The following OSBPL1A variants were observed in gnomAD, a reference collection of about 807,000 sequenced individuals.
OSBPL1A encodes the protein oxysterol binding protein like 1A, also known as oxysterol-binding protein-related protein 1.
OSBPL1A carries 80 observed loss-of-function variants against 137.1 expected under a neutral mutation model. The ratio of observed to expected loss-of-function variants is 0.58; its 90% CI spans 0.49 to 0.70. The LOEUF (loss-of-function observed/expected upper bound fraction) is 0.70, where lower values mean the gene tolerates loss of function less well. Among genes scored for constraint, OSBPL1A ranks in the 30% least tolerant of loss-of-function variants. The pLI, the probability that OSBPL1A is intolerant of heterozygous loss-of-function variation, is 0.00. For missense variants in OSBPL1A, 970 were observed against 1,129.4 expected (o/e 0.86, Z 2.02); for synonymous variants, 365 against 389.7 (o/e 0.94, Z 0.75).
At chr18:24,185,529 A>G (rs1302413226) in intron 18 of OSBPL1A, among the ~76,000 whole-genome samples, 1 of 151,880 alleles carries the variant, frequency 6.6e-6, no homozygotes, top group Non-Finnish European at 1.5e-5. Flanking sequence ...CCACGTTGGC[A>G]AGGCTGGTCT....
chr18:24,344,866 TGCAGTG>T (rs1381237774), intron 4 of OSBPL1A, among the ~76,000 whole-genome samples: 2 of 152,214 alleles, frequency 1.3e-5, no homozygotes, highest in East Asian at 3.8e-4. Context: ...CAGGCTAGAA[TGCAGTG>T]GCACTACCTC....
chr18:24,191,394 T>C (rs2086888873), intron 18 of OSBPL1A, among the ~76,000 whole-genome samples: 1 of 152,212 alleles, frequency 6.6e-6, no homozygotes, highest in Admixed American at 6.5e-5. Flanking sequence ...ATCTGTCTAT[T>C]AATATGAGCA....
Position 24,178,215 on chromosome 18 carries a change from A to AG in OSBPL1A, c.1911-21_1911-20insC. 6.6e-7 allele frequency: 1 copy of AG among 1,521,534 alleles called. No individual in the cohort carries two copies. Among genetic ancestry groups the AG allele is most frequent in the African/African-American group, 1.4e-5 (1 of 70,662 alleles). 94.3% of individuals were successfully genotyped at this position (1,521,534 alleles called of 1,614,324 possible). A position where few individuals can be genotyped will look rare whatever the true frequency, so the allele number is the denominator to read the frequency against. On this transcript the variant is annotated intron_variant, in intron 20 of 27. Coordinates refer to ENST00000319481, the MANE Select transcript of OSBPL1A (RefSeq NM_080597.4). The stretch of plus-strand genomic sequence containing the variant: ...TCATCTCTTAAGATTTAAAAAAAAA[A>AG]AAAAAGAAAAAAAAAAGCAACATTA...
chr18:24,189,711 G>T (rs916055184), intron 18 of OSBPL1A, among the ~76,000 whole-genome samples: 2 of 152,174 alleles, frequency 1.3e-5, no homozygotes, highest in African/African-American at 4.8e-5. Context: ...ACTGCATGAG[G>T]TTCTTGCCAT....
intron 4 of OSBPL1A, chr18:24,366,618 A>T: frequency 3.2e-6 from 1 of 314,372 alleles, no homozygotes; most frequent in Non-Finnish European, 5.8e-6. Context: ...TAAAAAAAAG[A>T]ATAATCAGGA....
intron 16 of OSBPL1A, among the ~76,000 whole-genome samples, chr18:24,229,115 C>G (rs1356649359): frequency 6.6e-6 from 1 of 152,112 alleles, no homozygotes. Context: ...GCAGGAAGAA[C>G]TGCTTGAACC....
rs375972608 is a variant in OSBPL1A, at chr18:24,185,418, C to G, written c.1678-4139G>C. Among the ~76,000 whole-genome samples, 6 of 151,006 alleles carry G rather than the reference C, an allele frequency of 4.0e-5. No homozygotes were observed. The East Asian group carries it at 5.9e-4, about 15-fold the overall frequency. On this transcript the variant is annotated intron_variant, in intron 18 of 27. Coordinates refer to ENST00000319481, the MANE Select transcript of OSBPL1A (RefSeq NM_080597.4). ...CACTGCAACCTCCGCCTCCTGGGTT[C>G]GAGCAATTCTCCTGCCTCAGCCTCC...
chr18:24,241,156 C>T (rs1375412865), intron 15 of OSBPL1A, among the ~76,000 whole-genome samples: 1 of 152,096 alleles, frequency 6.6e-6, no homozygotes, highest in Non-Finnish European at 1.5e-5. Flanking sequence ...AATGTAAGAC[C>T]TAAAACCATA....
At chr18:24,262,138 T>G (rs1175352772) in intron 15 of OSBPL1A, among the ~76,000 whole-genome samples, 1 of 152,220 alleles carries the variant, frequency 6.6e-6, no homozygotes, top group African/African-American at 2.4e-5. Flanking sequence ...ATACGCCTAC[T>G]TAGGAACTGA....
At chr18:24,275,288 T>C (rs889297668) in intron 15 of OSBPL1A, among the ~76,000 whole-genome samples, 7 of 152,058 alleles carry the variant, frequency 4.6e-5, no homozygotes, top group Non-Finnish European at 1.0e-4. Context: ...AGGAGACAGA[T>C]GCCTCCAGCA....
intron 1 of OSBPL1A, among the ~76,000 whole-genome samples, chr18:24,381,401 A>G (rs570295074): frequency 2.4e-4 from 36 of 152,326 alleles, no homozygotes; most frequent in African/African-American, 8.4e-4. Flanking sequence ...GGATTTTACA[A>G]GGAAGTGCAC....
intron 18 of OSBPL1A, among the ~76,000 whole-genome samples, chr18:24,190,606 T>G (rs1243454549): frequency 6.6e-6 from 1 of 152,212 alleles, no homozygotes; most frequent in East Asian, 1.9e-4. Flanking sequence ...GGTTGAAACA[T>G]TCTGATCTTA....
chr18:24,281,519 A>G (rs906704532), intron 14 of OSBPL1A, among the ~76,000 whole-genome samples: 3 of 151,282 alleles, frequency 2.0e-5, no homozygotes, highest in African/African-American at 7.3e-5. Flanking sequence ...TCCCGAGTAG[A>G]TGGGACTACA....
At chr18:24,390,236 A>G (rs912317753) in intron 1 of OSBPL1A, among the ~76,000 whole-genome samples, 8 of 152,242 alleles carry the variant, frequency 5.3e-5, no homozygotes, top group Non-Finnish European at 7.3e-5. Flanking sequence ...ATAATTACCT[A>G]TGATCCAGCA....
At chr18:24,255,517 TCA>T (rs2089244969) in intron 15 of OSBPL1A, among the ~76,000 whole-genome samples, 3 of 152,108 alleles carry the variant, frequency 2.0e-5, no homozygotes. Flanking sequence ...GAGAGGCTAA[TCA>T]CAAACTCAAA....
intron 18 of OSBPL1A, among the ~76,000 whole-genome samples, chr18:24,193,160 C>T (rs765825440): frequency 2.6e-5 from 4 of 152,124 alleles, no homozygotes; most frequent in South Asian, 4.1e-4. Context: ...AAAAAGGACA[C>T]GAAGTGAAGT....
At chr18:24,269,060 G>T (rs77599684) in intron 15 of OSBPL1A, among the ~76,000 whole-genome samples, 1 of 152,078 alleles carries the variant, frequency 6.6e-6, no homozygotes, top group Admixed American at 6.5e-5. Flanking sequence ...TATTCATGCC[G>T]TTTGTTTCTG....
intron 18 of OSBPL1A, among the ~76,000 whole-genome samples, chr18:24,190,420 C>A (rs1199555129): frequency 6.7e-6 from 1 of 149,182 alleles, no homozygotes; most frequent in African/African-American, 2.5e-5. Context: ...GTATTTATAC[C>A]TGGAAATGTG....
intron 15 of OSBPL1A, among the ~76,000 whole-genome samples, chr18:24,266,150 C>A (rs567107718): frequency 4.6e-5 from 7 of 152,252 alleles, no homozygotes; most frequent in African/African-American, 1.7e-4. Context: ...GAAAAGGGTC[C>A]CTGTTACTGA....
Sources: gnomAD v4.1 joint callset for allele counts (sites outside exome capture counted in the v4.1 genomes callset) on GRCh38, gnomAD v4.1.1 for gene constraint, MANE v1.5 for transcripts, NCBI Gene and HGNC (gene_info 2026-07-23, HGNC 2026-07-21) for gene names.